Variants in MIA3 observed in about 807,000 individuals in gnomAD.
MIA3 encodes transport and Golgi organization protein 1 homolog.
Under a neutral mutation model 192.4 loss-of-function variants are expected in MIA3, and 90 were observed. The ratio of observed to expected loss-of-function variants is 0.47; its 90% CI spans 0.39 to 0.56. The LOEUF (loss-of-function observed/expected upper bound fraction) is 0.56. Among genes scored for constraint, MIA3 ranks in the 20% least tolerant of loss-of-function variants. The probability of loss-of-function intolerance (pLI) is 0.00; values close to 1 mark genes in which losing one functional copy is unlikely to be tolerated. For missense variants in MIA3, 2,123 were observed against 2,269.4 expected (o/e 0.94, Z 1.31); for synonymous variants, 740 against 792.8 (o/e 0.93, Z 1.12).
chr1:222,644,814 T>C (rs1279440804), intron 6 of MIA3, among the ~76,000 whole-genome samples: 1 of 151,990 alleles, frequency 6.6e-6, no homozygotes, highest in Non-Finnish European at 1.5e-5. Flanking sequence ...GTGACAGCAC[T>C]TTATGTTCTG....
rs373542426 is a variant in MIA3 at position 222,654,369 on chromosome 1, G to A, written c.4378-20G>A. On this transcript the variant is annotated intron_variant, in intron 16 of 27. Coordinates refer to ENST00000344922, the MANE Select transcript of MIA3 (RefSeq NM_198551.4). ...CTATGCCTCACTTTTATGAATACTTGTCTCTTCTGCAATTTTTAGACACAG... is the reference window on the plus strand; with the variant it reads ...CTATGCCTCACTTTTATGAATACTTATCTCTTCTGCAATTTTTAGACACAG... 1.2e-6 allele frequency: 2 copies of A among 1,612,442 alleles called. No homozygotes were observed. The highest frequency in any genetic ancestry group is 1.7e-6 in the Non-Finnish European group (2 of 1,178,720).
chr1:222,661,156 A>T (rs1247967353), intron 24 of MIA3: 1 of 152,758 alleles, frequency 6.5e-6, no homozygotes, highest in Non-Finnish European at 1.5e-5. Context: ...TTTCATGTTT[A>T]GTGCAATAAC....
At chr1:222,649,563 C>T (rs942702446) in intron 8 of MIA3, 5 of 152,324 alleles carry the variant, frequency 3.3e-5, no homozygotes, top group South Asian at 2.1e-4. Flanking sequence ...CTCAGGAGTT[C>T]GAGACCAGCC....
Position 222,628,172 on chromosome 1 carries a change from G to A in MIA3, c.952G>A (p.Asp318Asn), listed in dbSNP as rs997428779. Residue 318 changes from aspartate (D) to asparagine (N), a missense_variant, in exon 4 of 28, where the codon GAT (aspartate) becomes AAT (asparagine). Asp to Asn is a conservative substitution (Grantham distance 23). Around this residue, in one of 3 missense-constraint regions of MIA3, gnomAD observed 1,357 missense variants for 1,396.1 expected, o/e 0.97. Transcript: ENST00000344922. The stretch of plus-strand genomic sequence containing the variant: ...TGAGTATTATGCAGTTGGAAAGGAA[G>A]ATGAGGAGAACCAAGAAGACTTTGA... The part of the protein sequence containing the change: ...DTEYYAVGKE[D>N]EENQEDFDEL... The A allele has an allele frequency of 1.2e-6, 2 of 1,613,910 alleles. No homozygotes were observed. Among genetic ancestry groups the A allele is most frequent in the African/African-American group, 2.7e-5 (2 of 74,936 alleles).
Position 222,662,255 on chromosome 1 carries a change from C to T in MIA3, c.5185C>T (p.Pro1729Ser), listed in dbSNP as rs568615486. 1.1e-5 allele frequency: 18 copies of T among 1,613,616 alleles called. No homozygotes were observed. In the East Asian group the frequency reaches 4.0e-4, roughly 36 times the overall value. Residue 1729 changes from proline to serine, a missense_variant and splice_region_variant, in exon 26 of 28, where the codon CCA becomes TCA. Coordinates refer to ENST00000344922, the MANE Select transcript of MIA3 (RefSeq NM_198551.4). ...ATCAGTTCTCTGGTCTTTAACAGATCCAGGATCTGGTACAGCTACCATGAT... is the reference window on the plus strand; with the variant it reads ...ATCAGTTCTCTGGTCTTTAACAGATTCAGGATCTGGTACAGCTACCATGAT... The part of the protein sequence containing the change: ...EASGKPSPSD[P>S]GSGTATMMNS...
Position 222,650,787 on chromosome 1 carries a change from T to A in MIA3, c.3799-6T>A. 1.9e-6 allele frequency: 3 copies of A among 1,593,982 alleles called. No individual in the cohort carries two copies. The highest frequency in any genetic ancestry group is 2.6e-6 in the Non-Finnish European group (3 of 1,167,736). ...AGTATAACTAACCTTAATATCTTTTTTGTAGGATAAAATCAAGACACTTGA... is the reference window on the plus strand; with the variant it reads ...AGTATAACTAACCTTAATATCTTTTATGTAGGATAAAATCAAGACACTTGA... On this transcript the variant is annotated splice_region_variant and splice_polypyrimidine_tract_variant and intron_variant, in intron 10 of 27. Transcript: ENST00000344922.
Position 222,659,742 on chromosome 1 carries a change from T to C in MIA3, c.4815T>C (p.Ala1605=). ...ATATTTTTCTTCAATAGCTCAAAGC[T>C]CGTGCTGCAGAAAGAGCTATAGCTG... is the stretch of plus-strand genomic sequence containing the variant. ...EKKAHENWLK[A]RAAERAIAEE... Residue 1605 remains alanine (A), a synonymous_variant, in exon 22 of 28, where the codon GCT becomes GCC. Transcript: ENST00000344922. The C allele has an allele frequency of 6.2e-7, 1 of 1,614,096 alleles. No individual in the cohort carries two copies.
chr1:222,633,726 T>G (rs2124858972), intron 6 of MIA3, among the ~76,000 whole-genome samples: 1 of 151,466 alleles, frequency 6.6e-6, no homozygotes. Flanking sequence ...AGGGGAAGGA[T>G]GTGGGCAGGG....
At chr1:222,639,388 C>A (rs1254921897) in intron 6 of MIA3, among the ~76,000 whole-genome samples, 4 of 152,084 alleles carry the variant, frequency 2.6e-5, no homozygotes, top group African/African-American at 4.8e-5. Context: ...TTGTATGAAG[C>A]TGATGTTACC....
At chr1:222,652,127 A>G (rs1362321812) in intron 12 of MIA3, 79 bp downstream of exon 12, 16 of 1,340,058 alleles carry the variant, frequency 1.2e-5, no homozygotes, top group Non-Finnish European at 1.7e-5. Flanking sequence ...GATATATGCT[A>G]AAATGTGCAA....
chr1:222,665,240 A>G (rs926032151), intron 27 of MIA3, 69 bp from the exon 28 acceptor site: 2 of 1,127,826 alleles, frequency 1.8e-6, no homozygotes, highest in African/African-American at 1.6e-5. Flanking sequence ...GACTATATTA[A>G]CATACCTGGC....
At position 222,629,768 on chromosome 1, in the gene MIA3, T is replaced by G. The variant is rs372699944; in HGVS notation, c.2548T>G (p.Ser850Ala). 3 of 1,614,060 alleles carry G rather than the reference T, an allele frequency of 1.9e-6. No individual in the cohort carries two copies. Among genetic ancestry groups the G allele is most frequent in the Non-Finnish European group, 2.5e-6 (3 of 1,180,000 alleles). ...AGGTGAAGTGTTTCAGAATAAAGAT[T>G]CTGATTATCTGAAGAACGACAACCC... ...ELGEVFQNKD[S>A]DYLKNDNPEE... The change falls in exon 4 of 28, where the codon TCT becomes GCT. Residue 850 changes from serine (S) to alanine (A), a missense_variant. By Grantham distance (99) the Ser-to-Ala change is moderately conservative. Transcript: ENST00000344922.
chr1:222,640,054 T>G (rs897051761), intron 6 of MIA3, among the ~76,000 whole-genome samples: 2 of 152,126 alleles, frequency 1.3e-5, no homozygotes, highest in Non-Finnish European at 2.9e-5. Flanking sequence ...ATCGTAGCAA[T>G]GAACAATTGG....
At position 222,660,315 on chromosome 1, in the gene MIA3, G is replaced by A. The variant is rs1571909365; in HGVS notation, c.5113+1G>A. 1 of 1,607,336 alleles carries A rather than the reference G, an allele frequency of 6.2e-7. No homozygotes were observed. ...AGAGATATGCCTAGAAGTGAATTTG[G>A]TGAGCATTCACATGTTTCCTTGCAA... On this transcript the variant is annotated splice_donor_variant, in intron 24 of 27. Coordinates refer to ENST00000344922, the MANE Select transcript of MIA3 (RefSeq NM_198551.4). LOFTEE classifies it high-confidence loss of function.
chr1:222,629,330 C>T lies in MIA3; in HGVS notation c.2110C>T (p.Gln704Ter). The T allele has an allele frequency of 6.2e-7, 1 of 1,614,178 alleles. No individual in the cohort carries two copies. Among genetic ancestry groups the T allele is most frequent in the Non-Finnish European group, 8.5e-7 (1 of 1,180,024 alleles). Residue 704 changes from glutamine (Q) to a stop codon, truncating the protein, a stop_gained, in exon 4 of 28, where the codon CAG (glutamine) becomes TAG (stop). Coordinates refer to ENST00000344922, the MANE Select transcript of MIA3 (RefSeq NM_198551.4). LOFTEE classifies it high-confidence loss of function. Reference sequence around the variant, plus strand: ...GGCAATGCAGGGCACAGAGGTAGGACAGACAGACCAAACTGACAGCACAGG... The same window carrying T: ...GGCAATGCAGGGCACAGAGGTAGGATAGACAGACCAAACTGACAGCACAGG... ...HKAMQGTEVG[Q>*]TDQTDSTGGP...
chr1:222,664,401 A>T (rs912493631), intron 27 of MIA3, among the ~76,000 whole-genome samples: 18 of 152,372 alleles, frequency 1.2e-4, no homozygotes, highest in African/African-American at 4.1e-4. Context: ...TATTCATCAC[A>T]TTGAACATCT....
In MIA3 at chr1:222,650,639, G is replaced by A. The variant is rs184963275; in HGVS notation, c.3726G>A (p.Lys1242=). 1 of 1,574,284 alleles carries A rather than the reference G, an allele frequency of 6.4e-7. No individual in the cohort carries two copies. Among genetic ancestry groups the A allele is most frequent in the East Asian group, 2.2e-5 (1 of 44,502 alleles). The stretch of plus-strand genomic sequence containing the variant: ...GAATGCTTTATTTTATATAGATCAA[G>A]GAATCAAAGAAACATGTTCAGGAAA... ...QKLSNYEQKI[K]ESKKHVQETR... Residue 1242 remains lysine, a synonymous_variant, in exon 10 of 28, where the codon AAG becomes AAA. Coordinates refer to ENST00000344922, the MANE Select transcript of MIA3 (RefSeq NM_198551.4).
intron 27 of MIA3, 100 bp from the exon 28 acceptor site, chr1:222,665,197 CAAAAAAAAAAAA>C (rs879011032): frequency 2.9e-5 from 11 of 385,140 alleles, no homozygotes; most frequent in Non-Finnish European, 4.0e-5. Flanking sequence ...ACCCTGCCGC[CAAAAAAAAAAAA>C]AAAAAAAAAA....
chr1:222,660,073 T>C, intron 23 of MIA3, 67 bp downstream of exon 23: 2 of 1,586,652 alleles, frequency 1.3e-6, no homozygotes, highest in East Asian at 2.2e-5. Context: ...AAGTGACTTT[T>C]TGTTTCTGTG....
Sources: allele counts gnomAD v4.1 joint callset (sites outside exome capture counted in the v4.1 genomes callset), GRCh38; gene constraint gnomAD v4.1.1; regional missense constraint gnomAD v4.1.1; transcripts MANE v1.5; gene names NCBI Gene and HGNC (gene_info 2026-07-23, HGNC 2026-07-21).